The following RCSD1 variants were observed in gnomAD, a reference collection of about 807,000 sequenced individuals.
The protein encoded by RCSD1 is RCSD domain containing 1.
Under a neutral mutation model 42.5 loss-of-function variants are expected in RCSD1, and 26 were observed. The ratio of observed to expected loss-of-function variants is 0.61; its 90% CI spans 0.45 to 0.85. The LOEUF is 0.85. Among genes scored for constraint, RCSD1 ranks in the 40% least tolerant of loss-of-function variants. The probability of loss-of-function intolerance (pLI) is 0.00; values close to 1 mark genes in which losing one functional copy is unlikely to be tolerated. For synonymous variants in RCSD1, 220 were observed against 212.2 expected, an observed-to-expected ratio of 1.04 and a Z score of -0.32; for missense variants, 571 against 528.3, an observed-to-expected ratio of 1.08 and a Z score of -0.79.
intron 6 of RCSD1, 143 bp downstream of exon 6, chr1:167,697,985 C>A: frequency 1.8e-6 from 2 of 1,102,888 alleles, no homozygotes; most frequent in Non-Finnish European, 2.3e-6. Context: ...CTCGTGCCAA[C>A]TTGTTGGAGA....
intron 6 of RCSD1, among the ~76,000 whole-genome samples, chr1:167,702,631 T>G (rs1256484589): frequency 1.3e-5 from 2 of 152,000 alleles, no homozygotes; most frequent in African/African-American, 2.4e-5. Context: ...ATACAAAAAT[T>G]AGCCAGGGGT....
intron 1 of RCSD1, among the ~76,000 whole-genome samples, chr1:167,656,117 C>A (rs1571681846): frequency 6.6e-6 from 1 of 152,192 alleles, no homozygotes; most frequent in African/African-American, 2.4e-5. Flanking sequence ...TCTTTTAAAA[C>A]CCTCACAGAC....
intron 4 of RCSD1, among the ~76,000 whole-genome samples, chr1:167,692,961 TA>T (rs1449385194): frequency 7.2e-6 from 1 of 138,092 alleles, no homozygotes; most frequent in Non-Finnish European, 1.7e-5. Context: ...AGGGACCAGA[TA>T]GAAAAGACTT....
intron 3 of RCSD1, among the ~76,000 whole-genome samples, chr1:167,687,329 C>A (rs894270393): frequency 6.6e-6 from 1 of 151,934 alleles, no homozygotes; most frequent in East Asian, 1.9e-4. Flanking sequence ...TTGAGACCAT[C>A]CTGGCTAACA....
intron 1 of RCSD1, 66 bp from the exon 2 acceptor site, chr1:167,683,834 C>A: frequency 7.0e-7 from 1 of 1,436,310 alleles, no homozygotes; most frequent in Non-Finnish European, 9.7e-7. Context: ...AGCCACAAAA[C>A]AGGTGCCTTG....
At chr1:167,675,493 T>C (rs1229348) in intron 1 of RCSD1, among the ~76,000 whole-genome samples, 19,588 of 152,042 alleles carry the variant, frequency 0.13, 1,783 homozygotes, top group African/African-American at 0.26. Flanking sequence ...TGGTCCCTCC[T>C]ATTAAACATG....
chr1:167,638,000 C>T (rs113959688), intron 1 of RCSD1, among the ~76,000 whole-genome samples: 244 of 152,366 alleles, frequency 1.6e-3, no homozygotes, highest in African/African-American at 5.5e-3. Context: ...ACCCACGCCA[C>T]AGGTCACAGA....
chr1:167,634,974 A>C (rs1326360540), intron 1 of RCSD1, among the ~76,000 whole-genome samples: 1 of 151,132 alleles, frequency 6.6e-6, no homozygotes, highest in Admixed American at 6.6e-5. Context: ...GTGTGTGTAC[A>C]TATTGGTGTA....
At chr1:167,650,380 G>A (rs1423844195) in intron 1 of RCSD1, among the ~76,000 whole-genome samples, 1 of 152,174 alleles carries the variant, frequency 6.6e-6, no homozygotes, top group Non-Finnish European at 1.5e-5. Flanking sequence ...TCTTCTTGTG[G>A]CTTCCCTTTG....
intron 1 of RCSD1, among the ~76,000 whole-genome samples, chr1:167,669,274 T>C (rs886294508): frequency 6.6e-6 from 1 of 152,252 alleles, no homozygotes; most frequent in Non-Finnish European, 1.5e-5. Context: ...AGATACAGAC[T>C]GATTAAAGTG....
intron 1 of RCSD1, among the ~76,000 whole-genome samples, chr1:167,675,341 GAC>G (rs1658923526): frequency 6.6e-6 from 1 of 151,468 alleles, no homozygotes; most frequent in Admixed American, 6.6e-5. Flanking sequence ...GAGAAGCAAA[GAC>G]ACGGCCTACA....
intron 1 of RCSD1, among the ~76,000 whole-genome samples, chr1:167,680,468 GTTTTTGTTTTTGT>G (rs1659054486): frequency 1.3e-5 from 2 of 151,870 alleles, no homozygotes; most frequent in African/African-American, 4.8e-5. Context: ...TTTTGTTTTT[GTTTTTGTTTTTGT>G]TTTTGTTTTT....
chr1:167,663,018 G>A (rs774029493), intron 1 of RCSD1, among the ~76,000 whole-genome samples: 3 of 152,196 alleles, frequency 2.0e-5, no homozygotes, highest in Non-Finnish European at 2.9e-5. Context: ...TCTCACAGAT[G>A]AAGCAGAAGG....
chr1:167,688,813 G>A (rs1659303587), intron 3 of RCSD1, among the ~76,000 whole-genome samples: 2 of 152,166 alleles, frequency 1.3e-5, no homozygotes, highest in African/African-American at 4.8e-5. Context: ...GGGTCAAGGA[G>A]CAGGTCATAC....
intron 6 of RCSD1, among the ~76,000 whole-genome samples, chr1:167,699,429 T>C (rs935806258): frequency 3.3e-5 from 5 of 152,148 alleles, no homozygotes; most frequent in African/African-American, 1.2e-4. Flanking sequence ...CTCCCTTGCC[T>C]CCTCTGGCTC....
rs1558088762 is a variant in RCSD1 at position 167,684,002 on chromosome 1, G to A, written c.108+1G>A. On this transcript the variant is annotated splice_donor_variant, in intron 2 of 6. Coordinates refer to ENST00000367854, the MANE Select transcript of RCSD1 (RefSeq NM_052862.4). LOFTEE classifies it high-confidence loss of function. ...GGAGCAGGCGGCTGCAGCCAAGGAGGTGAGTCAGGCCGCTTCAGAGCAGCC... is the reference window on the plus strand; with the variant it reads ...GGAGCAGGCGGCTGCAGCCAAGGAGATGAGTCAGGCCGCTTCAGAGCAGCC... The A allele has an allele frequency of 1.9e-6, 3 of 1,612,314 alleles. No homozygotes were observed. The highest frequency in any genetic ancestry group is 2.2e-5 in the East Asian group (1 of 44,884).
intron 4 of RCSD1, among the ~76,000 whole-genome samples, chr1:167,692,739 A>T (rs1443396696): frequency 2.0e-5 from 3 of 152,112 alleles, no homozygotes; most frequent in Admixed American, 1.3e-4. Context: ...TCTTACCATG[A>T]CTCAGTCTTG....
chr1:167,675,626 A>T (rs962725169), intron 1 of RCSD1, among the ~76,000 whole-genome samples: 1 of 152,102 alleles, frequency 6.6e-6, no homozygotes, highest in African/African-American at 2.4e-5. Flanking sequence ...GACAGCTGGG[A>T]TGTGTGAGTA....
At chr1:167,646,517 CTTTTT>C (rs1658151828) in intron 1 of RCSD1, among the ~76,000 whole-genome samples, 1 of 141,690 alleles carries the variant, frequency 7.1e-6, no homozygotes, top group African/African-American at 2.6e-5. Context: ...TTTTCTTTTT[CTTTTT>C]CTTTTTCTTT....
Sources: gnomAD v4.1 joint callset for allele counts (sites outside exome capture counted in the v4.1 genomes callset) on GRCh38, gnomAD v4.1.1 for gene constraint, MANE v1.5 for transcripts, NCBI Gene and HGNC (gene_info 2026-07-23, HGNC 2026-07-21) for gene names.